Variants in SCRN1 observed in about 807,000 individuals in gnomAD.
SCRN1 encodes secernin-1.
Under a neutral mutation model 43.3 loss-of-function variants are expected in SCRN1, and 19 were observed. The ratio of observed to expected loss-of-function variants is 0.44; its 90% confidence interval spans 0.31 to 0.64. The LOEUF (loss-of-function observed/expected upper bound fraction) is 0.64, where lower values mean the gene tolerates loss of function less well. SCRN1 is among the 30% of genes least tolerant of loss of function. The pLI is 0.09. For synonymous variants in SCRN1, 183 were observed against 188.9 expected, an observed-to-expected ratio of 0.97 and a Z score of 0.26; for missense variants, 447 against 524.1, an observed-to-expected ratio of 0.85 and a Z score of 1.44.
At chr7:29,952,270 T>C (rs1032311241) in intron 3 of SCRN1, among the ~76,000 whole-genome samples, 1 of 152,224 alleles carries the variant, frequency 6.6e-6, no homozygotes, top group Non-Finnish European at 1.5e-5. Context: ...AGGTGATGCT[T>C]GTTCACCAGC....
chr7:29,961,819 C>CG (rs1788328532), intron 2 of SCRN1, among the ~76,000 whole-genome samples: 1 of 152,106 alleles, frequency 6.6e-6, no homozygotes, highest in Non-Finnish European at 1.5e-5. Context: ...GCTGGCCGGG[C>CG]GGGGGGCTGA....
Position 29,949,232 on chromosome 7 carries a change from G to A in SCRN1, c.342-5053C>T, listed in dbSNP as rs374673905. 2.7e-4 allele frequency among the ~76,000 whole-genome samples: 41 copies of A among 151,462 alleles called. 1 individual carries two copies. The highest frequency in any genetic ancestry group is 1.7e-3 in the South Asian group (8 of 4,772). On this transcript the variant is annotated intron_variant, in intron 3 of 7. Coordinates refer to ENST00000242059, the MANE Select transcript of SCRN1 (RefSeq NM_014766.5). ...CGGGAGGCTGAGGCAGGAGAATGGCGTGAACCCAGGAGGCGGAGGTTGCAG... is the reference window on the plus strand; with the variant it reads ...CGGGAGGCTGAGGCAGGAGAATGGCATGAACCCAGGAGGCGGAGGTTGCAG...
At chr7:29,954,711 G>A (rs1056936424) in intron 3 of SCRN1, among the ~76,000 whole-genome samples, 5 of 152,104 alleles carry the variant, frequency 3.3e-5, no homozygotes, top group South Asian at 2.1e-4. Context: ...ATGGAGACTC[G>A]TTGTTGTCGC....
intron 3 of SCRN1, among the ~76,000 whole-genome samples, chr7:29,951,375 T>C (rs1787914134): frequency 6.6e-6 from 1 of 152,130 alleles, no homozygotes; most frequent in Non-Finnish European, 1.5e-5. Flanking sequence ...TCCAGGCCAG[T>C]AGCATAAGCT....
chr7:29,926,785 A>C (rs993552677), intron 6 of SCRN1, among the ~76,000 whole-genome samples, 153 bp from the exon 7 acceptor site: 2 of 152,168 alleles, frequency 1.3e-5, no homozygotes, highest in Non-Finnish European at 2.9e-5. Flanking sequence ...CAAGAGAGAC[A>C]TAACTGCATG....
At chr7:29,964,742 A>G (rs1239567445) in intron 2 of SCRN1, among the ~76,000 whole-genome samples, 2 of 152,050 alleles carry the variant, frequency 1.3e-5, no homozygotes, top group South Asian at 2.1e-4. Flanking sequence ...CAGGAGTTCA[A>G]GACAGGCTGG....
chr7:29,933,755 T>C (rs79365634), intron 6 of SCRN1, among the ~76,000 whole-genome samples: 3,109 of 152,214 alleles, frequency 0.02, 50 homozygotes, highest in East Asian at 0.068. Flanking sequence ...AAAGAGGATG[T>C]GAGCGCAAGT....
intron 1 of SCRN1, among the ~76,000 whole-genome samples, chr7:29,983,319 G>A (rs1284431958): frequency 7.5e-6 from 1 of 132,860 alleles, no homozygotes; most frequent in African/African-American, 2.7e-5. Flanking sequence ...GGGGGAGGGG[G>A]GAGGGATAGC....
At chr7:29,961,495 C>T (rs561754627) in intron 2 of SCRN1, among the ~76,000 whole-genome samples, 2 of 147,456 alleles carry the variant, frequency 1.4e-5, no homozygotes, top group Admixed American at 6.7e-5. Flanking sequence ...GGCAACCATC[C>T]GATTTCTCAA....
chr7:29,972,149 A>T (rs911295544), intron 1 of SCRN1, among the ~76,000 whole-genome samples: 1 of 152,254 alleles, frequency 6.6e-6, no homozygotes, highest in Non-Finnish European at 1.5e-5. Flanking sequence ...ATGCCTTTAT[A>T]GAGTGCTACT....
At chr7:29,933,705 C>A (rs891886211) in intron 6 of SCRN1, among the ~76,000 whole-genome samples, 1 of 152,166 alleles carries the variant, frequency 6.6e-6, no homozygotes, top group African/African-American at 2.4e-5. Flanking sequence ...ACCTTACATA[C>A]TACCTAGCAC....
At chr7:29,970,629 G>A (rs1055117765) in intron 1 of SCRN1, among the ~76,000 whole-genome samples, 10 of 152,144 alleles carry the variant, frequency 6.6e-5, no homozygotes, top group Non-Finnish European at 8.8e-5. Context: ...TGCTGTAACC[G>A]CAGCCGTACA....
At chr7:29,969,722 G>A (rs144183071) in intron 1 of SCRN1, 167 of 433,136 alleles carry the variant, frequency 3.9e-4, no homozygotes, top group African/African-American at 3.3e-3. Flanking sequence ...TTTTCTATCT[G>A]GGAAAATGCA....
chr7:29,981,183 A>G (rs562531824), intron 1 of SCRN1, among the ~76,000 whole-genome samples: 5 of 139,660 alleles, frequency 3.6e-5, no homozygotes, highest in African/African-American at 1.4e-4. Flanking sequence ...TAAGTGCAAT[A>G]AAAAAAAAAA....
intron 3 of SCRN1, among the ~76,000 whole-genome samples, chr7:29,951,743 T>C (rs1247367007): frequency 6.6e-6 from 1 of 152,182 alleles, no homozygotes; most frequent in Non-Finnish European, 1.5e-5. Context: ...ATAAAAACAA[T>C]ATTGCCTAAT....
intron 3 of SCRN1, 103 bp downstream of exon 3, chr7:29,955,076 T>TG (rs935943645): frequency 2.1e-6 from 2 of 942,254 alleles, no homozygotes; most frequent in African/African-American, 3.3e-5. Context: ...ACATCATCTT[T>TG]GGAAGGATTA....
chr7:29,957,730 G>GT (rs1205113101), intron 2 of SCRN1, among the ~76,000 whole-genome samples: 1 of 152,196 alleles, frequency 6.6e-6, no homozygotes, highest in Non-Finnish European at 1.5e-5. Flanking sequence ...GCTAGAGGCT[G>GT]TATCACGTGG....
intron 2 of SCRN1, among the ~76,000 whole-genome samples, chr7:29,968,369 T>C (rs189693444): frequency 1.6e-3 from 243 of 151,196 alleles, no homozygotes; most frequent in African/African-American, 5.7e-3. Flanking sequence ...AAATACAAAG[T>C]AGAGATTCAA....
At chr7:29,954,402 G>C (rs1788060297) in intron 3 of SCRN1, among the ~76,000 whole-genome samples, 1 of 151,904 alleles carries the variant, frequency 6.6e-6, no homozygotes, top group African/African-American at 2.4e-5. Flanking sequence ...GTGGTTTTTA[G>C]TGTACTCACA....
Sources: gnomAD v4.1 joint callset for allele counts (sites outside exome capture counted in the v4.1 genomes callset) on GRCh38, gnomAD v4.1.1 for gene constraint, MANE v1.5 for transcripts, NCBI Gene and HGNC (gene_info 2026-07-23, HGNC 2026-07-21) for gene names.